PRSS23: variants seen among roughly 807,000 people sequenced by gnomAD.
PRSS23 encodes the protein protease, serine 23.
PRSS23 carries 25 observed loss-of-function variants against 34.7 expected under a neutral mutation model. The observed-to-expected ratio is 0.72, with a 90% confidence interval of 0.53 to 1.01. The LOEUF (loss-of-function observed/expected upper bound fraction) is 1.01, where lower values mean the gene tolerates loss of function less well. Ranked by LOEUF, PRSS23 falls within the 50% of genes least tolerant of loss-of-function variation. PRSS23 has a pLI of 0.00. For missense variants in PRSS23, 445 were observed against 475.6 expected (o/e 0.94, Z 0.60); for synonymous variants, 176 against 186.6 (o/e 0.94, Z 0.46).
At chr11:86,907,459 C>A (rs546940941) in intron 2 of PRSS23, among the ~76,000 whole-genome samples, 20 of 144,542 alleles carry the variant, frequency 1.4e-4, no homozygotes, top group African/African-American at 4.7e-4. Context: ...GAGATCTATC[C>A]TCTTAACAAT....
At chr11:86,918,302 G>A (rs1363524808) in intron 2 of PRSS23, among the ~76,000 whole-genome samples, 1 of 152,158 alleles carries the variant, frequency 6.6e-6, no homozygotes, top group Non-Finnish European at 1.5e-5. Flanking sequence ...GGAGGGTGGT[G>A]AGAAGGTTGT....
chr11:86,848,405 T>G (rs1948504198), intron 2 of PRSS23, among the ~76,000 whole-genome samples: 1 of 152,168 alleles, frequency 6.6e-6, no homozygotes. Flanking sequence ...CTGTAAATCC[T>G]TATTGGGATA....
chr11:86,830,942 A>G (rs1467296832), intron 2 of PRSS23, among the ~76,000 whole-genome samples: 14 of 151,990 alleles, frequency 9.2e-5, no homozygotes, highest in Admixed American at 9.2e-4. Flanking sequence ...GGGGTTTACA[A>G]ACTGTGATAT....
At chr11:86,917,375 A>T (rs1361415227) in intron 2 of PRSS23, among the ~76,000 whole-genome samples, 3 of 152,202 alleles carry the variant, frequency 2.0e-5, no homozygotes, top group Non-Finnish European at 4.4e-5. Context: ...TGGGGAAAAA[A>T]ATTAAGGCAA....
intron 1 of PRSS23, among the ~76,000 whole-genome samples, chr11:86,801,182 G>A (rs1159146076): frequency 6.6e-6 from 1 of 152,202 alleles, no homozygotes; most frequent in African/African-American, 2.4e-5. Flanking sequence ...TCTTTTCTCC[G>A]GAGTGGTTGT....
rs35433370 is a variant in PRSS23 at position 86,808,883 on chromosome 11, C to CGTGT, written c.*111_*114dup. ...TTGTTTTTTGTCATTGGCGTGCACA[C>CGTGT]GTGTGTGTGTGTGTGTGTGTGTGTG... On this transcript the variant is annotated 3_prime_UTR_variant, in exon 2 of 2. Transcript: ENST00000280258. The CGTGT allele has an allele frequency of 0.019, 17,113 of 886,282 alleles. 66 individuals carry two copies. The highest frequency in any genetic ancestry group is 0.041 in the Middle Eastern group (176 of 4,250). The allele number at this position is 886,282 out of a possible 1,614,324, so 54.9% of individuals were successfully genotyped here.
At chr11:86,917,615 T>C (rs950773585) in intron 2 of PRSS23, among the ~76,000 whole-genome samples, 4 of 152,226 alleles carry the variant, frequency 2.6e-5, no homozygotes, top group Non-Finnish European at 5.9e-5. Flanking sequence ...CATTACTTGA[T>C]TTTTTAATTC....
At chr11:86,873,577 C>T (rs1948703305) in intron 2 of PRSS23, among the ~76,000 whole-genome samples, 1 of 152,028 alleles carries the variant, frequency 6.6e-6, no homozygotes, top group African/African-American at 2.4e-5. Context: ...GCCACCGTGC[C>T]CAGCCTATAT....
intron 2 of PRSS23, chr11:86,857,675 G>A: frequency 1.8e-6 from 1 of 558,626 alleles, no homozygotes; most frequent in South Asian, 1.4e-5. Flanking sequence ...AGAGTCAGGA[G>A]CATGTCTTCT....
At chr11:86,799,463 A>T (rs1344064922), upstream of PRSS23, among the ~76,000 whole-genome samples, 1 of 152,196 alleles carries the variant, frequency 6.6e-6, no homozygotes, top group African/African-American at 2.4e-5. Context: ...CCTACCATTC[A>T]GTAGCTGTGT....
At chr11:86,825,484 A>C (rs1317527160) in intron 2 of PRSS23, among the ~76,000 whole-genome samples, 3 of 152,082 alleles carry the variant, frequency 2.0e-5, no homozygotes, top group African/African-American at 7.2e-5. Context: ...CTTTAGTTTA[A>C]TTAGATCCCA....
chr11:86,900,121 C>T (rs1948901748), intron 2 of PRSS23, among the ~76,000 whole-genome samples: 1 of 152,174 alleles, frequency 6.6e-6, no homozygotes, highest in Admixed American at 6.5e-5. Context: ...TCCTGAGATA[C>T]TTAATGCCAA....
chr11:86,807,460 C>T (rs1483861225), intron 1 of PRSS23, among the ~76,000 whole-genome samples, 171 bp from the exon 2 acceptor site: 1 of 152,162 alleles, frequency 6.6e-6, no homozygotes, highest in African/African-American at 2.4e-5. Flanking sequence ...TAAGGTTGAG[C>T]CTTTGCGTTG....
chr11:86,840,206 A>T (rs1261881631), intron 2 of PRSS23, among the ~76,000 whole-genome samples: 3 of 152,184 alleles, frequency 2.0e-5, no homozygotes, highest in Non-Finnish European at 4.4e-5. Flanking sequence ...CAGGATACCC[A>T]TCTCATGTGC....
rs1342206795 is a variant in PRSS23 at position 86,951,324 on chromosome 11, T to C, written c.*39T>C. Reference sequence around the variant, plus strand: ...AACAAAGACATAAAAATTTTCAACATTTCAACAGCCATGTTGGAATCATCT... The same window carrying C: ...AACAAAGACATAAAAATTTTCAACACTTCAACAGCCATGTTGGAATCATCT... On this transcript the variant is annotated 3_prime_UTR_variant, in exon 3 of 3. Transcript: ENST00000533902. 3 of 1,614,052 alleles carry C rather than the reference T, an allele frequency of 1.9e-6. 1 individual carries two copies. In the South Asian group the frequency reaches 3.3e-5, roughly 18 times the overall value.
chr11:86,831,881 G>C (rs904256174), intron 2 of PRSS23, among the ~76,000 whole-genome samples: 1 of 151,798 alleles, frequency 6.6e-6, no homozygotes, highest in Non-Finnish European at 1.5e-5. Context: ...CAGGTGATGT[G>C]CACCTTGTGA....
chr11:86,950,807 C>A, intron 2 of PRSS23: 1 of 380,982 alleles, frequency 2.6e-6, no homozygotes, highest in Non-Finnish European at 4.9e-6. Flanking sequence ...TCCCACCCTG[C>A]AGGGGAAAAC....
At chr11:86,865,379 C>A (rs12796995) in intron 2 of PRSS23, among the ~76,000 whole-genome samples, 1 of 152,098 alleles carries the variant, frequency 6.6e-6, no homozygotes, top group African/African-American at 2.4e-5. Context: ...ATATGCAAAG[C>A]GCCTGGTACA....
At chr11:86,950,712 C>T (rs1949282880) in intron 2 of PRSS23, 1 of 236,528 alleles carries the variant, frequency 4.2e-6, no homozygotes, top group Non-Finnish European at 8.4e-6. Context: ...GCTTTGCTAT[C>T]TGAAAGACCC....
Sources: allele counts gnomAD v4.1 joint callset (sites outside exome capture counted in the v4.1 genomes callset), GRCh38; gene constraint gnomAD v4.1.1; transcripts MANE v1.5; gene names NCBI Gene and HGNC (gene_info 2026-07-23, HGNC 2026-07-21).